The following GRIK2 variants were observed in gnomAD, a reference collection of about 807,000 sequenced individuals.
GRIK2 encodes glutamate ionotropic receptor kainate type subunit 2.
In GRIK2, 32 loss-of-function variants were observed where a neutral mutation model predicts 100.3. The observed-to-expected ratio is 0.32, with a 90% confidence interval of 0.24 to 0.43. The LOEUF is 0.43. Ranked by LOEUF, GRIK2 falls within the 20% of genes least tolerant of loss-of-function variation. The pLI is 1.00. For synonymous variants in GRIK2, 417 were observed against 389.4 expected (o/e 1.07, Z -0.83); for missense variants, 843 against 1,114.9 (o/e 0.76, Z 3.47).
intron 10 of GRIK2, among the ~76,000 whole-genome samples, chr6:101,826,013 T>A (rs1782302609): frequency 6.6e-6 from 1 of 152,090 alleles, no homozygotes; most frequent in Non-Finnish European, 1.5e-5. Context: ...GGACTCACAA[T>A]GCTGATTTTG....
intron 2 of GRIK2, among the ~76,000 whole-genome samples, chr6:101,484,572 T>C (rs1048499451): frequency 1.0e-4 from 14 of 136,202 alleles, no homozygotes; most frequent in African/African-American, 3.3e-4. Context: ...CACACACATA[T>C]ATATGGGATA....
chr6:101,848,670 G>A (rs551158500), intron 10 of GRIK2, among the ~76,000 whole-genome samples: 2 of 152,108 alleles, frequency 1.3e-5, no homozygotes, highest in South Asian at 4.2e-4. Flanking sequence ...TCACTTAGAG[G>A]TTACTATGGA....
chr6:101,502,549 G>T (rs1773813869), intron 2 of GRIK2, among the ~76,000 whole-genome samples: 1 of 151,992 alleles, frequency 6.6e-6, no homozygotes, highest in Non-Finnish European at 1.5e-5. Flanking sequence ...TTATGTAAAA[G>T]TATAAGAATA....
chr6:101,468,987 T>G (rs970720665), intron 2 of GRIK2, among the ~76,000 whole-genome samples: 2 of 152,100 alleles, frequency 1.3e-5, no homozygotes, highest in African/African-American at 4.8e-5. Context: ...ACTGCTTCAG[T>G]TCTAGTGAAG....
At chr6:101,849,202 A>G in intron 10 of GRIK2, among the ~76,000 whole-genome samples, 1 of 152,032 alleles carries the variant, frequency 6.6e-6, no homozygotes, top group Admixed American at 6.6e-5. Flanking sequence ...AAATTCAAGT[A>G]AAGCATGGTC....
intron 11 of GRIK2, among the ~76,000 whole-genome samples, chr6:101,886,454 T>G (rs1786625056): frequency 6.6e-6 from 1 of 151,972 alleles, no homozygotes. Flanking sequence ...TTCTCTTTCA[T>G]ATTTGGAATA....
At chr6:101,508,185 T>C (rs1170307002) in intron 2 of GRIK2, among the ~76,000 whole-genome samples, 1 of 152,014 alleles carries the variant, frequency 6.6e-6, no homozygotes, top group Non-Finnish European at 1.5e-5. Flanking sequence ...CAGGACCAAT[T>C]CAGACCAGGT....
chr6:102,057,244 C>T (rs1318525339), intron 16 of GRIK2, among the ~76,000 whole-genome samples: 1 of 151,836 alleles, frequency 6.6e-6, no homozygotes, highest in Admixed American at 6.6e-5. Context: ...TAAGTTATAG[C>T]TCAGTATTAA....
At chr6:101,699,215 G>A (rs1772705225) in intron 7 of GRIK2, among the ~76,000 whole-genome samples, 2 of 152,066 alleles carry the variant, frequency 1.3e-5, no homozygotes, top group South Asian at 2.1e-4. Flanking sequence ...GCAGTCAAAT[G>A]GTTATCTCTG....
rs530815962 is a variant in GRIK2 at position 101,648,197 on chromosome 6, A to AT, written c.541+21561dup. On this transcript the variant is annotated intron_variant, in intron 4 of 16. Coordinates refer to ENST00000369134, the MANE Select transcript of GRIK2 (RefSeq NM_021956.5). ...AACTTTAGATATGATTTAGAAGTCT[A>AT]TATCTTAGAAACTACTATAAATAGA... Among the ~76,000 whole-genome samples the AT allele has an allele frequency of 7.0e-3, 1,072 of 152,212 alleles. 8 individuals carry two copies. Among genetic ancestry groups the AT allele is most frequent in the Non-Finnish European group, 0.012 (849 of 67,990 alleles).
At chr6:101,597,916 T>G (rs1185212146) in intron 2 of GRIK2, among the ~76,000 whole-genome samples, 1 of 151,714 alleles carries the variant, frequency 6.6e-6, no homozygotes, top group Non-Finnish European at 1.5e-5. Flanking sequence ...TGGCTATAGT[T>G]GCTTTCTCTG....
At chr6:101,760,695 T>G (rs1583093881) in intron 7 of GRIK2, among the ~76,000 whole-genome samples, 4 of 80,014 alleles carry the variant, frequency 5.0e-5, no homozygotes, top group Non-Finnish European at 8.3e-5. Flanking sequence ...TATATATAAT[T>G]ATATATAATT....
At chr6:101,626,215 CAG>C (rs1387978141) in intron 3 of GRIK2, among the ~76,000 whole-genome samples, 163 bp from the exon 4 acceptor site, 1 of 152,086 alleles carries the variant, frequency 6.6e-6, no homozygotes, top group East Asian at 1.9e-4. Flanking sequence ...GGAAAGTGTT[CAG>C]AGTCAGACAA....
intron 2 of GRIK2, among the ~76,000 whole-genome samples, chr6:101,483,611 G>A (rs777606296): frequency 2.0e-5 from 3 of 152,022 alleles, no homozygotes; most frequent in African/African-American, 7.3e-5. Flanking sequence ...GTCTTGCTCT[G>A]TTGCCTAGGC....
At chr6:102,044,613 A>G (rs1480025273) in intron 15 of GRIK2, among the ~76,000 whole-genome samples, 1 of 152,054 alleles carries the variant, frequency 6.6e-6, no homozygotes, top group Non-Finnish European at 1.5e-5. Context: ...AACCACCCAC[A>G]TGATTCAATT....
chr6:101,480,521 G>A (rs758177659), intron 2 of GRIK2, among the ~76,000 whole-genome samples: 1 of 151,896 alleles, frequency 6.6e-6, no homozygotes, highest in Non-Finnish European at 1.5e-5. Context: ...AAGCCTCACT[G>A]TTGCTTTGTT....
intron 2 of GRIK2, among the ~76,000 whole-genome samples, chr6:101,420,120 A>T (rs1240020554): frequency 2.0e-5 from 3 of 152,228 alleles, no homozygotes; most frequent in Admixed American, 2.0e-4. Flanking sequence ...TTCAAACATT[A>T]TATTATCCAA....
intron 7 of GRIK2, among the ~76,000 whole-genome samples, chr6:101,721,321 G>A (rs1017618080): frequency 2.0e-5 from 3 of 152,006 alleles, no homozygotes; most frequent in Non-Finnish European, 2.9e-5. Flanking sequence ...TTGGGAGGCC[G>A]AGATGGGCAG....
intron 2 of GRIK2, among the ~76,000 whole-genome samples, chr6:101,595,280 T>A (rs1778864912): frequency 6.6e-6 from 1 of 151,658 alleles, no homozygotes; most frequent in Non-Finnish European, 1.5e-5. Flanking sequence ...GTTAGCAAAC[T>A]GTCTGTGAAG....
Sources: allele counts gnomAD v4.1 joint callset (sites outside exome capture counted in the v4.1 genomes callset), GRCh38; gene constraint gnomAD v4.1.1; transcripts MANE v1.5; gene names NCBI Gene and HGNC (gene_info 2026-07-23, HGNC 2026-07-21).